Variants in CNTLN observed in about 807,000 individuals in gnomAD.
CNTLN encodes the protein centlein, centrosomal protein.
In CNTLN, 212 loss-of-function variants were observed where a neutral mutation model predicts 180.0. That is an observed-to-expected ratio of 1.18 (90% CI 1.05 to 1.32). The LOEUF (loss-of-function observed/expected upper bound fraction) is 1.32. CNTLN is among the 40% of genes most tolerant of loss of function. CNTLN has a pLI of 0.00. For synonymous variants in CNTLN, 722 were observed against 563.1 expected, an observed-to-expected ratio of 1.28 and a Z score of -3.99; for missense variants, 2,095 against 1,610.9, an observed-to-expected ratio of 1.30 and a Z score of -5.14.
intron 4 of CNTLN, 112 bp from the exon 5 acceptor site, chr9:17,236,297 T>G: frequency 2.3e-6 from 2 of 862,970 alleles, no homozygotes; most frequent in Non-Finnish European, 3.4e-6. Flanking sequence ...TAGAAGAAGC[T>G]TCTGTGAGGG....
chr9:17,415,090 G>GAA (rs1030166890), intron 16 of CNTLN, among the ~76,000 whole-genome samples: 1 of 132,812 alleles, frequency 7.5e-6, no homozygotes, highest in African/African-American at 2.8e-5. Context: ...TGTCTCAAAA[G>GAA]AAAAAAAAAA....
chr9:17,258,325 C>G lies in CNTLN; in HGVS notation c.850-15408C>G, dbSNP rs975497712. On this transcript the variant is annotated intron_variant, in intron 5 of 25. Transcript: ENST00000380647. ...TTATTTCTGAGGGCTCTGTTCTGTT[C>G]CATTGATCTATATCTCTGTTTTGGT... 1.3e-5 allele frequency among the ~76,000 whole-genome samples: 2 copies of G among 148,634 alleles called. 1 individual carries two copies. Among genetic ancestry groups the G allele is most frequent in the African/African-American group, 5.1e-5 (2 of 39,108 alleles).
At position 17,135,169 on chromosome 9, in the gene CNTLN, G is replaced by A; in HGVS notation, c.104G>A (p.Arg35His). The change falls in exon 1 of 26, where the codon CGC becomes CAC. Residue 35 changes from arginine (R) to histidine (H), a missense_variant. Arg to His is a conservative substitution (Grantham distance 29). Transcript: ENST00000380647. Reference sequence around the variant, plus strand: ...CGGGGAGCTGAAGTACACGCAATGCGCAGCGAGGCCTCGGGTTTTGCCGGC... The same window carrying A: ...CGGGGAGCTGAAGTACACGCAATGCACAGCGAGGCCTCGGGTTTTGCCGGC... Reference protein sequence around the residue: ...VGRGAEVHAMRSEASGFAGAA... With the variant: ...VGRGAEVHAMHSEASGFAGAA... The A allele has an allele frequency of 1.2e-6, 2 of 1,609,920 alleles. No homozygotes were observed. Among genetic ancestry groups the A allele is most frequent in the South Asian group, 1.1e-5 (1 of 89,920 alleles).
intron 8 of CNTLN, among the ~76,000 whole-genome samples, chr9:17,309,496 A>T (rs1818977082): frequency 6.6e-6 from 1 of 152,130 alleles, no homozygotes; most frequent in South Asian, 2.1e-4. Context: ...GTGATGAAAC[A>T]TTTGGCTGAT....
the CNTLN span, among the ~76,000 whole-genome samples, chr9:17,514,335 AGTCAAATAAACC>A: frequency 2.0e-5 from 3 of 152,162 alleles, no homozygotes; most frequent in Non-Finnish European, 4.4e-5. Context: ...AGTGGTAGAA[AGTCAAATAAACC>A]GTGACACATA....
intron 13 of CNTLN, among the ~76,000 whole-genome samples, chr9:17,379,232 T>C (rs1025514264): frequency 5.9e-5 from 9 of 152,126 alleles, no homozygotes; most frequent in African/African-American, 2.2e-4. Context: ...GTTTGTTTCC[T>C]CTAAGTTTTC....
chr9:17,252,140 G>C lies in CNTLN; in HGVS notation c.849+15552G>C, dbSNP rs113327044. 6.2e-3 allele frequency among the ~76,000 whole-genome samples: 936 copies of C among 151,752 alleles called. 16 individuals are homozygous for C. Among genetic ancestry groups the C allele is most frequent in the African/African-American group, 0.021 (890 of 41,482 alleles). ...TTTTCTTTATGCATTACTTTGGTTT[G>C]TGGATACTTAGGTTGATGCCATATC... On this transcript the variant is annotated intron_variant, in intron 5 of 25. Transcript: ENST00000380647.
At chr9:17,255,545 G>C (rs1826425722) in intron 5 of CNTLN, among the ~76,000 whole-genome samples, 1 of 151,578 alleles carries the variant, frequency 6.6e-6, no homozygotes, top group African/African-American at 2.4e-5. Flanking sequence ...AATTCCACTT[G>C]GTCATGTTAT....
chr9:17,477,417 T>C (rs931281207), intron 23 of CNTLN, among the ~76,000 whole-genome samples: 1 of 152,210 alleles, frequency 6.6e-6, no homozygotes, highest in South Asian at 2.1e-4. Context: ...AGATAGTGAT[T>C]CCTCTGATGG....
intron 12 of CNTLN, among the ~76,000 whole-genome samples, chr9:17,347,439 C>T (rs149014024): frequency 0.012 from 1,830 of 152,106 alleles, 45 homozygotes; most frequent in African/African-American, 0.042. Flanking sequence ...GAGGCTTAGG[C>T]GGGCAGATCA....
chr9:17,324,644 A>G (rs938198979), intron 8 of CNTLN, among the ~76,000 whole-genome samples: 2 of 152,148 alleles, frequency 1.3e-5, no homozygotes, highest in East Asian at 1.9e-4. Context: ...GGATGTATGT[A>G]TATACCCATA....
chr9:17,406,042 C>G (rs1175677632), intron 15 of CNTLN, among the ~76,000 whole-genome samples: 5 of 151,768 alleles, frequency 3.3e-5, no homozygotes, highest in Non-Finnish European at 7.4e-5. Context: ...ACTTGGATAT[C>G]AAATAGCCTA....
chr9:17,421,802 A>G (rs1487636044), intron 18 of CNTLN, among the ~76,000 whole-genome samples: 1 of 152,168 alleles, frequency 6.6e-6, no homozygotes, highest in African/African-American at 2.4e-5. Flanking sequence ...TTTTAAACTG[A>G]TAACAACTAA....
At chr9:17,328,027 A>G (rs1820417513) in intron 8 of CNTLN, among the ~76,000 whole-genome samples, 2 of 152,286 alleles carry the variant, frequency 1.3e-5, no homozygotes, top group East Asian at 1.9e-4. Flanking sequence ...AAGTACAAAG[A>G]AAATAATTCA....
chr9:17,407,764 T>G (rs1827505993), intron 15 of CNTLN, among the ~76,000 whole-genome samples: 1 of 152,182 alleles, frequency 6.6e-6, no homozygotes, highest in Non-Finnish European at 1.5e-5. Flanking sequence ...CCTCTCATAG[T>G]GTCCCAGGAA....
At chr9:17,188,982 A>C (rs1253957865) in intron 2 of CNTLN, among the ~76,000 whole-genome samples, 2 of 119,714 alleles carry the variant, frequency 1.7e-5, no homozygotes, top group African/African-American at 6.3e-5. Context: ...TGATTGTTTG[A>C]TTTTTGTTGT....
At chr9:17,527,239 C>A in the CNTLN span, among the ~76,000 whole-genome samples, 1 of 152,146 alleles carries the variant, frequency 6.6e-6, no homozygotes, top group African/African-American at 2.4e-5. Flanking sequence ...TACTGTGACA[C>A]TCCAAATTCA....
intron 8 of CNTLN, among the ~76,000 whole-genome samples, chr9:17,315,591 T>C (rs1380884994): frequency 6.6e-6 from 1 of 152,088 alleles, no homozygotes; most frequent in Admixed American, 6.5e-5. Context: ...TCTCCTGTCC[T>C]TGTGAGATTC....
chr9:17,381,090 G>T (rs1243157681), intron 13 of CNTLN, among the ~76,000 whole-genome samples: 3 of 152,190 alleles, frequency 2.0e-5, no homozygotes, highest in African/African-American at 7.2e-5. Flanking sequence ...GATTGGGGTA[G>T]TATTTTTAGG....
Sources: gnomAD v4.1 joint callset for allele counts (sites outside exome capture counted in the v4.1 genomes callset) on GRCh38, gnomAD v4.1.1 for gene constraint, MANE v1.5 for transcripts, NCBI Gene and HGNC (gene_info 2026-07-23, HGNC 2026-07-21) for gene names.